The following C10orf90 variants were observed in gnomAD, a reference collection of about 807,000 sequenced individuals.
The protein encoded by C10orf90 is chromosome 10 open reading frame 90, also known as (E2-independent) E3 ubiquitin-conjugating enzyme FATS.
Under a neutral mutation model 62.5 loss-of-function variants are expected in C10orf90, and 56 were observed. The ratio of observed to expected loss-of-function variants is 0.90; its 90% CI spans 0.72 to 1.12. The LOEUF is 1.12. Among genes scored for constraint, C10orf90 ranks in the 50% most tolerant of loss-of-function variants. C10orf90 has a pLI of 0.00. For missense variants in C10orf90, 970 were observed against 880.4 expected, an observed-to-expected ratio of 1.10 and a Z score of -1.29; for synonymous variants, 386 against 340.4, an observed-to-expected ratio of 1.13 and a Z score of -1.47.
At chr10:126,531,007 C>T (rs1435316941) in intron 2 of C10orf90, among the ~76,000 whole-genome samples, 1 of 151,840 alleles carries the variant, frequency 6.6e-6, no homozygotes, top group East Asian at 1.9e-4. Flanking sequence ...AACCCTGTCT[C>T]TACTAAAAAT....
At chr10:126,570,837 A>G (rs926207118) in intron 2 of C10orf90, among the ~76,000 whole-genome samples, 3 of 152,122 alleles carry the variant, frequency 2.0e-5, no homozygotes, top group African/African-American at 7.2e-5. Context: ...CTTCCAATCC[A>G]GTCTTTCAAA....
chr10:126,613,026 G>A (rs895758635), intron 2 of C10orf90, among the ~76,000 whole-genome samples: 2 of 151,998 alleles, frequency 1.3e-5, no homozygotes, highest in Non-Finnish European at 2.9e-5. Context: ...TGGATTTTAC[G>A]CACCTTTGAA....
chr10:126,492,247 G>C (rs963938697), intron 4 of C10orf90, among the ~76,000 whole-genome samples: 4 of 152,286 alleles, frequency 2.6e-5, no homozygotes, highest in African/African-American at 7.2e-5. Context: ...TGTGTGCTAG[G>C]GGGAGAAGGG....
intron 2 of C10orf90, among the ~76,000 whole-genome samples, chr10:126,639,312 C>T (rs574568131): frequency 2.6e-5 from 4 of 152,296 alleles, no homozygotes; most frequent in South Asian, 4.1e-4. Flanking sequence ...GCATGATGTG[C>T]GGTTGCTGCT....
At chr10:126,463,938 T>C (rs551910579) in intron 5 of C10orf90, among the ~76,000 whole-genome samples, 1 of 24,434 alleles carries the variant, frequency 4.1e-5, no homozygotes, top group Non-Finnish European at 6.9e-5. Flanking sequence ...GATTAACTTG[T>C]TACTTTTATA....
intron 2 of C10orf90, among the ~76,000 whole-genome samples, chr10:126,588,490 A>AT (rs1844917687): frequency 6.6e-6 from 1 of 152,176 alleles, no homozygotes; most frequent in East Asian, 1.9e-4. Context: ...ACAGGCTGCC[A>AT]CTTTTGCTGT....
intron 4 of C10orf90, among the ~76,000 whole-genome samples, chr10:126,485,902 G>A (rs140178547): frequency 0.025 from 3,840 of 151,546 alleles, 132 homozygotes; most frequent in East Asian, 0.11. Context: ...AGGCGAGTTC[G>A]CGCCACTGCA....
intron 2 of C10orf90, among the ~76,000 whole-genome samples, chr10:126,563,820 C>G (rs1011238645): frequency 6.6e-6 from 1 of 152,180 alleles, no homozygotes; most frequent in African/African-American, 2.4e-5. Context: ...CAACACCGAC[C>G]GAGGATCAGC....
chr10:126,609,918 G>T (rs1381674307), intron 2 of C10orf90, among the ~76,000 whole-genome samples: 4 of 152,154 alleles, frequency 2.6e-5, no homozygotes. Context: ...CCCCAGAATT[G>T]TTCTTCTTGC....
intron 2 of C10orf90, among the ~76,000 whole-genome samples, chr10:126,557,350 G>A (rs374172979): frequency 1.3e-5 from 2 of 151,784 alleles, no homozygotes; most frequent in South Asian, 2.1e-4. Flanking sequence ...GTGTGGTGGC[G>A]GCGCCTGTAG....
chr10:126,633,941 C>T (rs1225764625), intron 2 of C10orf90, among the ~76,000 whole-genome samples: 4 of 152,158 alleles, frequency 2.6e-5, no homozygotes, highest in African/African-American at 9.7e-5. Flanking sequence ...TATCACTTCG[C>T]ACCTGTCAGA....
At chr10:126,503,323 C>T (rs1283077286) in intron 4 of C10orf90, among the ~76,000 whole-genome samples, 1 of 152,192 alleles carries the variant, frequency 6.6e-6, no homozygotes, top group Non-Finnish European at 1.5e-5. Flanking sequence ...GGTCAAGATG[C>T]CCCAGAAGAC....
intron 4 of C10orf90, among the ~76,000 whole-genome samples, chr10:126,478,395 G>A (rs913087319): frequency 7.9e-5 from 12 of 152,210 alleles, no homozygotes; most frequent in African/African-American, 2.9e-4. Context: ...CAAGAACAAT[G>A]CAGTGCACAA....
At chr10:126,635,131 A>G (rs956022874) in intron 2 of C10orf90, among the ~76,000 whole-genome samples, 1 of 152,248 alleles carries the variant, frequency 6.6e-6, no homozygotes, top group Non-Finnish European at 1.5e-5. Context: ...ACAAGGCATT[A>G]GTGAACGCCA....
In C10orf90 at chr10:126,429,810, C is replaced by T; in HGVS notation, c.2229G>A (p.Lys743=). ...ACCTCTTAGATCGCATATGCATCTC[C>T]TTCTCTGAAATGCACCGTTCTTTGG... ...FKPKERCISE[K]EMHMRSKRIY... is the part of the protein sequence containing the mutation. Residue 743 remains lysine (K), a synonymous_variant, in exon 8 of 10, where the codon AAG becomes AAA. Transcript: ENST00000488181. 1 of 1,614,116 alleles carries T rather than the reference C, an allele frequency of 6.2e-7. No homozygotes were observed. The highest frequency in any genetic ancestry group is 8.5e-7 in the Non-Finnish European group (1 of 1,179,992).
chr10:126,608,265 T>C (rs147413822), intron 2 of C10orf90, among the ~76,000 whole-genome samples: 1 of 152,226 alleles, frequency 6.6e-6, no homozygotes, highest in Non-Finnish European at 1.5e-5. Flanking sequence ...CACACTACCA[T>C]GCCTGGGTAA....
chr10:126,648,105 C>T (rs1846207206), intron 1 of C10orf90, among the ~76,000 whole-genome samples: 1 of 151,882 alleles, frequency 6.6e-6, no homozygotes, highest in Non-Finnish European at 1.5e-5. Context: ...ATCAATGCTG[C>T]TGTTTTTAAA....
chr10:126,605,965 A>G (rs972091943), intron 2 of C10orf90, among the ~76,000 whole-genome samples: 3 of 152,238 alleles, frequency 2.0e-5, no homozygotes, highest in African/African-American at 7.2e-5. Context: ...TGATCCTTAA[A>G]TTTAACAATT....
chr10:126,576,708 T>TAA (rs1844625325), intron 2 of C10orf90, among the ~76,000 whole-genome samples: 1 of 34,446 alleles, frequency 2.9e-5, no homozygotes, highest in Admixed American at 2.5e-4. Context: ...TGTATATGTA[T>TAA]ATATATACAA....
Sources: allele counts gnomAD v4.1 joint callset (sites outside exome capture counted in the v4.1 genomes callset), GRCh38; gene constraint gnomAD v4.1.1; transcripts MANE v1.5; gene names NCBI Gene and HGNC (gene_info 2026-07-23, HGNC 2026-07-21).